The following GLI2 variants were observed in gnomAD, a reference collection of about 807,000 sequenced individuals.
The protein encoded by GLI2 is GLI family zinc finger 2, also known as transcription activator GLI2.
In GLI2, 22 loss-of-function variants were observed where a neutral mutation model predicts 78.9. The ratio of observed to expected loss-of-function variants is 0.28; its 90% CI spans 0.20 to 0.40. The LOEUF is 0.40. Ranked by LOEUF, GLI2 falls within the 10% of genes least tolerant of loss-of-function variation. GLI2 has a pLI of 1.00. For synonymous variants in GLI2, 974 were observed against 963.7 expected (o/e 1.01, Z -0.20); for missense variants, 2,097 against 2,213.2 (o/e 0.95, Z 1.05).
intron 1 of GLI2, among the ~76,000 whole-genome samples, chr2:120,771,727 C>T (rs1280221223): frequency 6.6e-6 from 1 of 152,226 alleles, no homozygotes; most frequent in African/African-American, 2.4e-5. Context: ...TGACTAGCAG[C>T]ATTCAGATGC....
At chr2:120,778,866 T>C (rs1683758160) in intron 1 of GLI2, among the ~76,000 whole-genome samples, 1 of 152,162 alleles carries the variant, frequency 6.6e-6, no homozygotes, top group African/African-American at 2.4e-5. Flanking sequence ...AAGTGCTGGG[T>C]TGAACCAGAG....
intron 2 of GLI2, among the ~76,000 whole-genome samples, chr2:120,870,169 A>G (rs1415188696): frequency 1.3e-5 from 2 of 152,122 alleles, no homozygotes; most frequent in African/African-American, 2.4e-5. Flanking sequence ...TGCCACACCC[A>G]GCCCAGGACA....
rs1157253132 is a variant in GLI2, at chr2:120,989,159, C to T, written c.3194C>T (p.Thr1065Ile). ...AHASGALDEGTGQVYPTESTG... is the reference protein window; with the variant it reads ...AHASGALDEGIGQVYPTESTG... The stretch of plus-strand genomic sequence containing the variant: ...GCCAGTGGCGCTCTGGACGAGGGCA[C>T]CGGGCAGGTGTATCCCACGGAAAGC... The change falls in exon 14 of 14, where the codon ACC (threonine) becomes ATC (isoleucine). Residue 1065 changes from threonine (T) to isoleucine (I), a missense_variant. Transcript: ENST00000361492. 1.9e-6 allele frequency: 3 copies of T among 1,613,016 alleles called. No individual in the cohort carries two copies. The highest frequency in any genetic ancestry group is 2.5e-6 in the Non-Finnish European group (3 of 1,180,006).
intron 3 of GLI2, among the ~76,000 whole-genome samples, chr2:120,939,479 T>C (rs1680352787): frequency 6.6e-6 from 1 of 152,212 alleles, no homozygotes; most frequent in Admixed American, 6.5e-5. Context: ...TCACATCTTA[T>C]GACGGTTTTA....
chr2:120,770,622 G>C (rs1311019786), intron 1 of GLI2, among the ~76,000 whole-genome samples: 2 of 152,196 alleles, frequency 1.3e-5, no homozygotes, highest in African/African-American at 4.8e-5. Context: ...CATGGGTGCA[G>C]TTTCTGGCTT....
intron 1 of GLI2, among the ~76,000 whole-genome samples, chr2:120,767,229 G>A (rs13011979): frequency 6.6e-6 from 1 of 152,148 alleles, no homozygotes. Flanking sequence ...GCCAGTCAGA[G>A]CCTGGGGCCC....
chr2:120,887,255 C>G (rs1361067579), intron 2 of GLI2, among the ~76,000 whole-genome samples: 1 of 152,236 alleles, frequency 6.6e-6, no homozygotes, highest in Non-Finnish European at 1.5e-5. Context: ...ACATCCCATT[C>G]TGGTGCTTTT....
intron 2 of GLI2, among the ~76,000 whole-genome samples, chr2:120,911,588 G>T (rs1416204138): frequency 6.6e-6 from 1 of 152,192 alleles, no homozygotes; most frequent in Non-Finnish European, 1.5e-5. Context: ...TTTTCCAATA[G>T]TGGGAGGATT....
intron 6 of GLI2, among the ~76,000 whole-genome samples, 170 bp from the exon 7 acceptor site, chr2:120,970,223 A>G (rs1164791761): frequency 2.6e-5 from 4 of 152,118 alleles, no homozygotes; most frequent in African/African-American, 9.7e-5. Flanking sequence ...GGTGAGTGGC[A>G]GACAGTAGGA....
At chr2:120,961,922 C>T (rs1255980128) in intron 5 of GLI2, among the ~76,000 whole-genome samples, 1 of 152,194 alleles carries the variant, frequency 6.6e-6, no homozygotes, top group African/African-American at 2.4e-5. Flanking sequence ...CAGCCCCGGG[C>T]TGAGGATGGC....
intron 2 of GLI2, among the ~76,000 whole-genome samples, chr2:120,927,060 C>T (rs1426087389): frequency 2.0e-5 from 3 of 152,216 alleles, no homozygotes; most frequent in South Asian, 2.1e-4. Flanking sequence ...CCCTGATTTG[C>T]GGGCTGAGCC....
At chr2:120,920,567 C>T (rs887490721) in intron 2 of GLI2, among the ~76,000 whole-genome samples, 10 of 152,196 alleles carry the variant, frequency 6.6e-5, no homozygotes, top group East Asian at 1.9e-4. Context: ...AATGTCTGCT[C>T]GCCCTGGGAC....
At chr2:120,939,883 C>A (rs1212013535) in intron 3 of GLI2, among the ~76,000 whole-genome samples, 3 of 152,228 alleles carry the variant, frequency 2.0e-5, no homozygotes, top group Admixed American at 6.5e-5. Context: ...CTCCCACCAG[C>A]AGAGTTTGAG....
At chr2:120,908,545 A>G (rs1174174740) in intron 2 of GLI2, among the ~76,000 whole-genome samples, 1 of 152,180 alleles carries the variant, frequency 6.6e-6, no homozygotes, top group Non-Finnish European at 1.5e-5. Flanking sequence ...GCTGAGAACT[A>G]TGAGGCAGGG....
chr2:120,941,556 A>T (rs1680448201), intron 3 of GLI2, among the ~76,000 whole-genome samples: 1 of 152,194 alleles, frequency 6.6e-6, no homozygotes, highest in Non-Finnish European at 1.5e-5. Flanking sequence ...TCCTGGCAGT[A>T]AGAAGTTCCA....
chr2:120,969,774 G>T (rs1405469625), intron 6 of GLI2, among the ~76,000 whole-genome samples: 1 of 152,208 alleles, frequency 6.6e-6, no homozygotes, highest in Non-Finnish European at 1.5e-5. Flanking sequence ...GCTTAGGGCT[G>T]CTTGAGTGTC....
chr2:120,959,178 G>C (rs1467494458), intron 5 of GLI2, among the ~76,000 whole-genome samples: 1 of 152,144 alleles, frequency 6.6e-6, no homozygotes, highest in Non-Finnish European at 1.5e-5. Context: ...GTGGGCGCGA[G>C]AGCTCCCAGC....
intron 2 of GLI2, among the ~76,000 whole-genome samples, chr2:120,848,195 A>G (rs1022187852): frequency 1.3e-5 from 2 of 152,114 alleles, no homozygotes; most frequent in Admixed American, 1.3e-4. Flanking sequence ...AGCTCCCGGG[A>G]TGGGCCTGAC....
intron 2 of GLI2, among the ~76,000 whole-genome samples, chr2:120,865,838 G>C (rs1688104552): frequency 6.6e-6 from 1 of 152,234 alleles, no homozygotes; most frequent in African/African-American, 2.4e-5. Context: ...TCAAGGCTTT[G>C]CCATGCGTCC....
Sources: allele counts gnomAD v4.1 joint callset (sites outside exome capture counted in the v4.1 genomes callset), GRCh38; gene constraint gnomAD v4.1.1; transcripts MANE v1.5; gene names NCBI Gene and HGNC (gene_info 2026-07-23, HGNC 2026-07-21).